The following RIC3 variants were observed in gnomAD, a reference collection of about 807,000 sequenced individuals.
The protein encoded by RIC3 is RIC3 acetylcholine receptor chaperone, also known as protein RIC-3.
Under a neutral mutation model 27.3 loss-of-function variants are expected in RIC3, and 28 were observed. The ratio of observed to expected loss-of-function variants is 1.02; its 90% confidence interval spans 0.76 to 1.41. The LOEUF is 1.41. Among genes scored for constraint, RIC3 ranks in the 40% most tolerant of loss-of-function variants. The probability of loss-of-function intolerance (pLI) is 0.00; values close to 1 mark genes in which losing one functional copy is unlikely to be tolerated. For synonymous variants in RIC3, 184 were observed against 160.4 expected, an observed-to-expected ratio of 1.15 and a Z score of -1.11; for missense variants, 501 against 444.7, an observed-to-expected ratio of 1.13 and a Z score of -1.14.
At chr11:8,154,659 C>T (rs1950515612) in intron 1 of RIC3, among the ~76,000 whole-genome samples, 1 of 151,862 alleles carries the variant, frequency 6.6e-6, no homozygotes, top group South Asian at 2.1e-4. Flanking sequence ...AATTTATTTA[C>T]CCCTTTTTCT....
At chr11:8,099,323 G>A in the RIC3 span, among the ~76,000 whole-genome samples, 1 of 152,132 alleles carries the variant, frequency 6.6e-6, no homozygotes, top group Non-Finnish European at 1.5e-5. Context: ...ATGTCACACA[G>A]CTCAAAAACG....
chr11:8,146,321 C>T (rs1340905625), intron 1 of RIC3, among the ~76,000 whole-genome samples: 1 of 152,136 alleles, frequency 6.6e-6, no homozygotes, highest in African/African-American at 2.4e-5. Context: ...AAAACACACA[C>T]ATAACGATAT....
chr11:8,111,138 C>T lies in RIC3; in HGVS notation c.671-1G>A. The T allele has an allele frequency of 6.3e-7, 1 of 1,577,394 alleles. No homozygotes were observed. Among genetic ancestry groups the T allele is most frequent in the Non-Finnish European group, 8.6e-7 (1 of 1,158,868 alleles). On this transcript the variant is annotated splice_acceptor_variant, in intron 5 of 5. Coordinates refer to ENST00000309737, the MANE Select transcript of RIC3 (RefSeq NM_001206671.4). LOFTEE classifies it high-confidence loss of function. ...ATTGGGTAAGTCTCTTCAGGGTAACCTAGAGAGAAAAGTAGCACAAAGTAT... is the reference window on the plus strand; with the variant it reads ...ATTGGGTAAGTCTCTTCAGGGTAACTTAGAGAGAAAAGTAGCACAAAGTAT...
chr11:8,151,936 C>T (rs1426883691), intron 1 of RIC3, among the ~76,000 whole-genome samples: 1 of 150,256 alleles, frequency 6.7e-6, no homozygotes, highest in African/African-American at 2.4e-5. Flanking sequence ...AAAAAAAGAG[C>T]AAGGGATCTG....
chr11:8,133,170 T>C (rs1947939190), intron 4 of RIC3, among the ~76,000 whole-genome samples: 1 of 152,204 alleles, frequency 6.6e-6, no homozygotes, highest in African/African-American at 2.4e-5. Flanking sequence ...CTCTTTTGTA[T>C]GTGCTTGCTT....
intron 4 of RIC3, 165 bp from the exon 5 acceptor site, chr11:8,126,972 T>C (rs1228520503): frequency 1.3e-6 from 1 of 775,568 alleles, no homozygotes; most frequent in South Asian, 1.6e-5. Flanking sequence ...CTAGAGATGT[T>C]AGTTCAATGC....
intron 5 of RIC3, among the ~76,000 whole-genome samples, chr11:8,114,417 C>T (rs1246201844): frequency 1.3e-5 from 2 of 151,964 alleles, no homozygotes; most frequent in African/African-American, 4.8e-5. Flanking sequence ...CCAACCTGGC[C>T]AACATGGTAA....
chr11:8,153,238 A>T (rs1025988732), intron 1 of RIC3: 19 of 294,952 alleles, frequency 6.4e-5, no homozygotes, highest in African/African-American at 4.2e-4. Flanking sequence ...TTGTTCACAT[A>T]TTTACTGCTG....
intron 1 of RIC3, among the ~76,000 whole-genome samples, chr11:8,143,679 T>A (rs1300839290): frequency 1.3e-5 from 2 of 152,096 alleles, no homozygotes; most frequent in Non-Finnish European, 2.9e-5. Context: ...AAAAAACTAC[T>A]TTAAAGTTCA....
chr11:8,147,990 G>C (rs758905378), intron 1 of RIC3, among the ~76,000 whole-genome samples: 1 of 152,118 alleles, frequency 6.6e-6, no homozygotes, highest in Non-Finnish European at 1.5e-5. Flanking sequence ...CTCCCAAAGT[G>C]CTGGGATTAC....
chr11:8,160,126 G>A (rs755383379), intron 1 of RIC3, among the ~76,000 whole-genome samples: 7 of 152,174 alleles, frequency 4.6e-5, no homozygotes, highest in Admixed American at 3.9e-4. Context: ...TTTTAGGTGT[G>A]ACAATGGTAT....
chr11:8,105,982 A>AAGAT (rs1444702723), downstream of RIC3: 21 of 151,996 alleles, frequency 1.4e-4, no homozygotes, highest in Admixed American at 1.4e-3. Context: ...CTATTTGCAC[A>AAGAT]AGATTGTCTT....
intron 1 of RIC3, among the ~76,000 whole-genome samples, chr11:8,153,833 T>G (rs1031750466): frequency 2.0e-5 from 3 of 152,212 alleles, no homozygotes; most frequent in Non-Finnish European, 4.4e-5. Flanking sequence ...GCTCTCCTCT[T>G]GTATTTCCTT....
chr11:8,145,817 G>A (rs1033616744), intron 1 of RIC3, among the ~76,000 whole-genome samples: 2 of 151,956 alleles, frequency 1.3e-5, no homozygotes, highest in Admixed American at 6.6e-5. Flanking sequence ...AAATACTAGA[G>A]AGCATAAATA....
chr11:8,112,220 A>G lies in RIC3; in HGVS notation c.671-1083T>C, dbSNP rs961038910. 2.6e-5 allele frequency among the ~76,000 whole-genome samples: 4 copies of G among 152,202 alleles called. No individual in the cohort carries two copies. In the East Asian group the frequency reaches 7.7e-4, roughly 29 times the overall value. ...CAAATCACCCATAATATCTTCACTC[A>G]TAATAATTTGCTTTTTTCTGGTCTT... On this transcript the variant is annotated intron_variant, in intron 5 of 5. Coordinates refer to ENST00000309737, the MANE Select transcript of RIC3 (RefSeq NM_001206671.4).
intron 1 of RIC3, among the ~76,000 whole-genome samples, chr11:8,152,479 T>A (rs1031967563): frequency 3.3e-5 from 5 of 152,318 alleles, no homozygotes; most frequent in Admixed American, 2.0e-4. Context: ...AACCACATAT[T>A]ATATGGTTCC....
rs144521851 is a variant in RIC3, at chr11:8,128,617, G to A, written c.522-1810C>T. Among the ~76,000 whole-genome samples, 957 of 152,172 alleles carry A rather than the reference G, an allele frequency of 6.3e-3. 22 individuals carry two copies. The highest frequency in any genetic ancestry group is 0.051 in the Admixed American group (781 of 15,274). Reference sequence around the variant, plus strand: ...AAGTTGACAACAGTATAGACACAATGCCATGATCACTGTTAAGAGCTCAAT... The same window carrying A: ...AAGTTGACAACAGTATAGACACAATACCATGATCACTGTTAAGAGCTCAAT... On this transcript the variant is annotated intron_variant, in intron 4 of 5. Transcript: ENST00000309737.
At chr11:8,135,098 G>A (rs561153968) in intron 4 of RIC3, among the ~76,000 whole-genome samples, 1 of 152,262 alleles carries the variant, frequency 6.6e-6, no homozygotes, top group East Asian at 1.9e-4. Context: ...TTTTCTTCTA[G>A]GGTTTTTATG....
chr11:8,122,275 A>C (rs1440307378), intron 5 of RIC3, among the ~76,000 whole-genome samples: 1 of 152,184 alleles, frequency 6.6e-6, no homozygotes, highest in Non-Finnish European at 1.5e-5. Flanking sequence ...AACTCCTAGC[A>C]ACAACTAATC....
Sources: gnomAD v4.1 joint callset for allele counts (sites outside exome capture counted in the v4.1 genomes callset) on GRCh38, gnomAD v4.1.1 for gene constraint, MANE v1.5 for transcripts, NCBI Gene and HGNC (gene_info 2026-07-23, HGNC 2026-07-21) for gene names.